Variants in CEBPZ observed in about 807,000 individuals in gnomAD.
CEBPZ encodes the protein CCAAT enhancer binding protein zeta, also known as CCAAT/enhancer-binding protein zeta.
Under a neutral mutation model 104.5 loss-of-function variants are expected in CEBPZ, and 78 were observed. The observed-to-expected ratio is 0.75, with a 90% CI of 0.62 to 0.90. The LOEUF is 0.90. Among genes scored for constraint, CEBPZ ranks in the 40% least tolerant of loss-of-function variants. CEBPZ has a pLI of 0.00. For missense variants in CEBPZ, 1,439 were observed against 1,233.5 expected (o/e 1.17, Z -2.50); for synonymous variants, 470 against 427.0 (o/e 1.10, Z -1.24).
intron 2 of CEBPZ, among the ~76,000 whole-genome samples, chr2:37,226,110 A>C (rs1197576691): frequency 1.3e-5 from 2 of 151,922 alleles, no homozygotes; most frequent in Admixed American, 1.3e-4. Flanking sequence ...ACAGATGATC[A>C]ATAAATACTA....
chr2:37,209,795 C>T (rs1677661120), intron 13 of CEBPZ: 1 of 152,032 alleles, frequency 6.6e-6, no homozygotes, highest in African/African-American at 2.4e-5. Flanking sequence ...CTTAATTAAG[C>T]TAAAAAGCGT....
At chr2:37,210,426 G>C (rs764734482) in intron 13 of CEBPZ, 1 of 152,214 alleles carries the variant, frequency 6.6e-6, no homozygotes, top group Non-Finnish European at 1.5e-5. Context: ...ATATACCATG[G>C]AATGCTACTC....
At chr2:37,213,180 A>T (rs1480969399) in intron 10 of CEBPZ, among the ~76,000 whole-genome samples, 1 of 152,210 alleles carries the variant, frequency 6.6e-6, no homozygotes, top group Non-Finnish European at 1.5e-5. Context: ...AGCTCTGTGG[A>T]TTAAAGATAA....
In CEBPZ at chr2:37,202,644, C is replaced by CAAAAAAAAAAAAAAAAAAAAA. The variant is rs56340587; in HGVS notation, c.3025+119_3025+139dup. On this transcript the variant is annotated intron_variant, in intron 15 of 15. Transcript: ENST00000234170. ...TGGGCAAGGGAGTGAGACGCTGTCT[C>CAAAAAAAAAAAAAAAAAAAAA]AAAAAAAAAAAAAAAAAAAAAAAAA... is the stretch of plus-strand genomic sequence containing the variant. 3.1e-5 allele frequency: 6 copies of CAAAAAAAAAAAAAAAAAAAAA among 192,894 alleles called. 1 individual carries two copies. The highest frequency in any genetic ancestry group is 2.2e-4 in the African/African-American group (3 of 13,862). The allele number at this position is 192,894 out of a possible 1,614,324, so 11.9% of individuals were successfully genotyped here. A position where few individuals can be genotyped will look rare whatever the true frequency, so the allele number is the denominator to read the frequency against.
chr2:37,214,559 TAAAAC>T (rs1408139955), intron 9 of CEBPZ, among the ~76,000 whole-genome samples: 2 of 152,082 alleles, frequency 1.3e-5, no homozygotes, highest in African/African-American at 4.8e-5. Context: ...AAAAGAAGCA[TAAAAC>T]AAAATTTATA....
rs147037939 is a variant in CEBPZ at position 37,206,977 on chromosome 2, A to G, written c.2885-3969T>C. ...GGGAAAAGATATTCCATGCAAATGG[A>G]AACCAAAAGCAAGCAGGACTAGCTA... is the stretch of plus-strand genomic sequence containing the variant. On this transcript the variant is annotated intron_variant, in intron 13 of 15. Transcript: ENST00000234170. Among the ~76,000 whole-genome samples the G allele has an allele frequency of 1.2e-3, 177 of 152,318 alleles. 2 individuals carry two copies. Among genetic ancestry groups the G allele is most frequent in the Admixed American group, 1.9e-3 (29 of 15,300 alleles).
chr2:37,227,888 GGA>G lies in CEBPZ; in HGVS notation c.1303_1304del (p.Ser435GlnfsTer18). The G allele has an allele frequency of 6.2e-7, 1 of 1,614,112 alleles. No individual in the cohort carries two copies. Among genetic ancestry groups the G allele is most frequent in the African/African-American group, 1.3e-5 (1 of 75,030 alleles). The stretch of plus-strand genomic sequence containing the variant: ...AGCAAATTGCATAATATTGAGCTTT[GGA>G]GCTGATATTTGAGCGGAAGAGTAGC... ...ERLLFRSNIS[S>X]KAQYYAICFL... is the part of the protein sequence containing the mutation. On this transcript the variant is annotated frameshift_variant, in exon 2 of 16. Transcript: ENST00000234170. LOFTEE classifies it high-confidence loss of function.
At chr2:37,207,233 TAGACGGGTCATCA>T (rs953782726) in intron 13 of CEBPZ, among the ~76,000 whole-genome samples, 1 of 152,214 alleles carries the variant, frequency 6.6e-6, no homozygotes, top group African/African-American at 2.4e-5. Flanking sequence ...CTGACAGCCC[TAGACGGGTCATCA>T]AGACAGAAAG....
chr2:37,223,457 T>C (rs1664815114), intron 2 of CEBPZ, 56 bp from the exon 3 acceptor site: 14 of 1,445,068 alleles, frequency 9.7e-6, no homozygotes, highest in African/African-American at 1.4e-5. Context: ...CCACAACCAA[T>C]GGTCACATAT....
chr2:37,206,396 C>T (rs1213760324), intron 13 of CEBPZ, among the ~76,000 whole-genome samples: 4 of 152,356 alleles, frequency 2.6e-5, no homozygotes, highest in African/African-American at 4.8e-5. Flanking sequence ...CTTGCTCTGT[C>T]GCCCAGGCGG....
chr2:37,216,028 G>T, intron 8 of CEBPZ, 112 bp downstream of exon 8: 20 of 677,156 alleles, frequency 3.0e-5, no homozygotes, highest in East Asian at 6.6e-5. Flanking sequence ...GATGGATAAT[G>T]TCTTTGATGC....
intron 1 of CEBPZ, among the ~76,000 whole-genome samples, chr2:37,230,877 A>C (rs188603255): frequency 6.6e-6 from 1 of 152,236 alleles, no homozygotes; most frequent in East Asian, 1.9e-4. Flanking sequence ...ATCTCATTTA[A>C]TACTAACGCG....
chr2:37,230,227 A>G (rs1665018192), intron 1 of CEBPZ, among the ~76,000 whole-genome samples: 1 of 152,240 alleles, frequency 6.6e-6, no homozygotes. Context: ...AAAGAAAGCA[A>G]AATGTAGAGA....
chr2:37,214,679 C>G (rs1254627625), intron 9 of CEBPZ, among the ~76,000 whole-genome samples: 1 of 151,964 alleles, frequency 6.6e-6, no homozygotes, highest in East Asian at 1.9e-4. Context: ...CAGACATATC[C>G]TTTGATCTTT....
At position 37,202,928 on chromosome 2, in the gene CEBPZ, TAAAAC is replaced by T. The variant is rs772176087; in HGVS notation, c.2943+17_2943+21del. Reference sequence around the variant, plus strand: ...AAATAATGTAGAATAGCTAGCTTGTTAAAACAGTACATTAGCCTTACCTCTTCAGC... The same window carrying T: ...AAATAATGTAGAATAGCTAGCTTGTTAGTACATTAGCCTTACCTCTTCAGC... On this transcript the variant is annotated intron_variant, in intron 14 of 15. Coordinates refer to ENST00000234170, the MANE Select transcript of CEBPZ (RefSeq NM_005760.3). 16 of 1,595,520 alleles carry T rather than the reference TAAAAC, an allele frequency of 1.0e-5. No individual in the cohort carries two copies. The highest frequency in any genetic ancestry group is 1.4e-5 in the Non-Finnish European group (16 of 1,169,628).
chr2:37,228,461 T>G lies in CEBPZ; in HGVS notation c.732A>C (p.Leu244=). The G allele has an allele frequency of 6.2e-7, 1 of 1,614,222 alleles. No homozygotes were observed. Among genetic ancestry groups the G allele is most frequent in the Non-Finnish European group, 8.5e-7 (1 of 1,180,024 alleles). The change falls in exon 2 of 16, where the codon CTA becomes CTC. Residue 244 remains leucine, a synonymous_variant. Coordinates refer to ENST00000234170, the MANE Select transcript of CEBPZ (RefSeq NM_005760.3). ...WMKAIVSSGT[L]GDRMAAMILL... ...GAATCATGGCTGCCATCCTGTCACC[T>G]AGTGTCCCCGATGACACAATTGCCT...
At position 37,228,288 on chromosome 2, in the gene CEBPZ, C is replaced by T. The variant is rs186132001; in HGVS notation, c.905G>A (p.Arg302Gln). Residue 302 changes from arginine to glutamine, a missense_variant, in exon 2 of 16, where the codon CGG becomes CAG. Transcript: ENST00000234170. ...LLITDLLPDN[R>Q]KLRIFSQRPF... ...ACGCTGGCTGAAAATCCTCAGCTTC[C>T]GATTGTCTGGCAAAAGGTCTGTGAT... 7.4e-6 allele frequency: 12 copies of T among 1,614,126 alleles called. No homozygotes were observed. The highest frequency in any genetic ancestry group is 3.3e-5 in the Admixed American group (2 of 60,000).
chr2:37,220,523 C>G (rs745371178), intron 4 of CEBPZ, 50 bp from the exon 5 acceptor site: 20 of 967,450 alleles, frequency 2.1e-5, no homozygotes, highest in Non-Finnish European at 2.6e-5. Flanking sequence ...CTTCCTAGCC[C>G]AAGAGGTCAT....
intron 1 of CEBPZ, among the ~76,000 whole-genome samples, chr2:37,229,283 C>T (rs1664975105): frequency 6.6e-6 from 1 of 151,726 alleles, no homozygotes; most frequent in South Asian, 2.1e-4. Context: ...AAATTATAAA[C>T]TGGAAAAAAA....
Sources: gnomAD v4.1 joint callset for allele counts (sites outside exome capture counted in the v4.1 genomes callset) on GRCh38, gnomAD v4.1.1 for gene constraint, MANE v1.5 for transcripts, NCBI Gene and HGNC (gene_info 2026-07-23, HGNC 2026-07-21) for gene names.